RFFL: variants seen among roughly 807,000 people sequenced by gnomAD.
RFFL encodes the protein E3 ubiquitin-protein ligase rififylin.
RFFL carries 16 observed loss-of-function variants against 40.4 expected under a neutral mutation model. The ratio of observed to expected loss-of-function variants is 0.40; its 90% CI spans 0.27 to 0.60. RFFL has a LOEUF of 0.60. Among genes scored for constraint, RFFL ranks in the 20% least tolerant of loss-of-function variants. The probability of loss-of-function intolerance (pLI) is 0.47; values close to 1 mark genes in which losing one functional copy is unlikely to be tolerated. For synonymous variants in RFFL, 154 were observed against 167.9 expected (o/e 0.92, Z 0.64); for missense variants, 367 against 451.7 (o/e 0.81, Z 1.70).
At chr17:35,040,592 G>A (rs2091157463) in intron 1 of RFFL, among the ~76,000 whole-genome samples, 1 of 146,818 alleles carries the variant, frequency 6.8e-6, no homozygotes, top group African/African-American at 2.5e-5. Context: ...GACAGAGCGA[G>A]ACTCTCTCTC....
At chr17:35,044,397 T>C (rs1407520644) in intron 1 of RFFL, among the ~76,000 whole-genome samples, 1 of 152,160 alleles carries the variant, frequency 6.6e-6, no homozygotes, top group Admixed American at 6.5e-5. Flanking sequence ...TTAATAAGTG[T>C]TGTCAGCCAG....
chr17:35,031,447 G>A (rs1054288883), intron 1 of RFFL, among the ~76,000 whole-genome samples: 1 of 152,022 alleles, frequency 6.6e-6, no homozygotes, highest in African/African-American at 2.4e-5. Context: ...CATTCATGAT[G>A]CATGCAACTT....
intron 1 of RFFL, among the ~76,000 whole-genome samples, chr17:35,035,014 C>T (rs981329761): frequency 2.0e-5 from 3 of 152,196 alleles, no homozygotes; most frequent in Admixed American, 1.3e-4. Flanking sequence ...TCTTCCTCCA[C>T]ACTATTTTTA....
At chr17:35,013,998 C>T (rs577401967) in intron 6 of RFFL, among the ~76,000 whole-genome samples, 4 of 152,268 alleles carry the variant, frequency 2.6e-5, no homozygotes, top group Admixed American at 2.0e-4. Context: ...TTTGGGAAAT[C>T]TTCTGAAATA....
In RFFL at chr17:35,007,445, T is replaced by A. The variant is rs549698390; in HGVS notation, c.*4523A>T. The stretch of plus-strand genomic sequence containing the variant: ...TCCAGCAGAATGCTGGAGGCCTCCC[T>A]CTTCTGAACCTCTACATGCTGCTGG... On this transcript the variant is annotated 3_prime_UTR_variant, in exon 7 of 7. Coordinates refer to ENST00000394597, the MANE Select transcript of RFFL (RefSeq NM_001017368.2). 1.3e-5 allele frequency: 2 copies of A among 152,334 alleles called. No individual in the cohort carries two copies. The highest frequency in any genetic ancestry group is 4.1e-4 in the South Asian group (2 of 4,832). The allele number at this position is 152,334 out of a possible 1,614,324, so 9.4% of individuals were successfully genotyped here.
intron 1 of RFFL, among the ~76,000 whole-genome samples, chr17:35,073,172 T>C (rs528674709): frequency 1.4e-4 from 21 of 152,338 alleles, no homozygotes; most frequent in African/African-American, 5.1e-4. Context: ...GGAGAGATGA[T>C]TATTTAAGCA....
rs962887888 is a variant in RFFL, at chr17:35,036,032, A to G, written c.-8-9471T>C. On this transcript the variant is annotated intron_variant, in intron 1 of 6. Coordinates refer to ENST00000394597, the MANE Select transcript of RFFL (RefSeq NM_001017368.2). The stretch of plus-strand genomic sequence containing the variant: ...GACAGATATTTAAATACCAAAAAAG[A>G]AACATGTCCTAATGTGGTCAGTTAG... 1.2e-4 allele frequency among the ~76,000 whole-genome samples: 18 copies of G among 152,238 alleles called. No homozygotes were observed. In the South Asian group the frequency reaches 1.5e-3, roughly 12 times the overall value.
Position 35,007,886 on chromosome 17 carries a change from C to T in RFFL, c.*4082G>A, listed in dbSNP as rs955993347. On this transcript the variant is annotated 3_prime_UTR_variant, in exon 7 of 7. Transcript: ENST00000394597. ...GTGGCTAAGACTTAACAAACAGGCA[C>T]ACACCATCACTCGCAGCTAAGTTTT... is the stretch of plus-strand genomic sequence containing the variant. 2 of 152,172 alleles carry T rather than the reference C, an allele frequency of 1.3e-5. No homozygotes were observed. Among genetic ancestry groups the T allele is most frequent in the African/African-American group, 2.4e-5 (1 of 41,434 alleles). 9.4% of individuals were successfully genotyped at this position (152,172 alleles called of 1,614,324 possible). A position where few individuals can be genotyped will look rare whatever the true frequency, so the allele number is the denominator to read the frequency against.
chr17:35,076,325 G>A (rs1002137131), intron 1 of RFFL, among the ~76,000 whole-genome samples: 14 of 151,918 alleles, frequency 9.2e-5, no homozygotes, highest in Admixed American at 4.6e-4. Context: ...TTAAAGGTTG[G>A]CTACTGTGGG....
intron 1 of RFFL, among the ~76,000 whole-genome samples, chr17:35,030,398 A>G: frequency 6.6e-6 from 1 of 151,326 alleles, no homozygotes. Context: ...CTGGTGTGAG[A>G]TGGTATCTCA....
intron 1 of RFFL, chr17:35,074,306 G>A (rs763137032): frequency 3.3e-5 from 5 of 152,182 alleles, no homozygotes; most frequent in African/African-American, 7.2e-5. Context: ...TAAGAAGCCT[G>A]TCACATATCT....
intron 1 of RFFL, among the ~76,000 whole-genome samples, chr17:35,040,481 T>C (rs1485680965): frequency 2.0e-5 from 3 of 151,748 alleles, no homozygotes; most frequent in Admixed American, 6.6e-5. Flanking sequence ...CAGGCACCTA[T>C]AGTCCCAGCC....
At chr17:35,033,938 C>T (rs908845075) in intron 1 of RFFL, among the ~76,000 whole-genome samples, 1 of 151,690 alleles carries the variant, frequency 6.6e-6, no homozygotes, top group African/African-American at 2.4e-5. Flanking sequence ...GTCAGGAGAT[C>T]GAGACCATCC....
intron 2 of RFFL, 85 bp downstream of exon 2, chr17:35,026,289 G>A (rs893832913): frequency 1.7e-5 from 22 of 1,328,240 alleles, no homozygotes; most frequent in Non-Finnish European, 2.2e-5. Flanking sequence ...GAAAGGAAAG[G>A]TTGCAGGCAT....
In RFFL at chr17:35,011,792, G is replaced by A. The variant is rs975643326; in HGVS notation, c.*176C>T. 3.2e-6 allele frequency: 2 copies of A among 618,498 alleles called. No individual in the cohort carries two copies. Among genetic ancestry groups the A allele is most frequent in the African/African-American group, 3.7e-5 (2 of 54,158 alleles). 38.3% of individuals were successfully genotyped at this position (618,498 alleles called of 1,614,324 possible). ...ACTGGCCTTGGGCTTTGCCAGCCAA[G>A]AGGTACACCCCTGGGAAGACAGGCA... On this transcript the variant is annotated 3_prime_UTR_variant, in exon 7 of 7. Transcript: ENST00000394597.
intron 3 of RFFL, among the ~76,000 whole-genome samples, chr17:35,020,469 T>A (rs1352981176): frequency 6.7e-6 from 1 of 150,372 alleles, no homozygotes; most frequent in African/African-American, 2.5e-5. Context: ...CTTATGAAAA[T>A]CTAACTAATG....
intron 1 of RFFL, among the ~76,000 whole-genome samples, chr17:35,032,828 TG>T (rs1264873153): frequency 6.6e-6 from 1 of 152,054 alleles, no homozygotes; most frequent in African/African-American, 2.4e-5. Flanking sequence ...CAGGGGGAAC[TG>T]GAAGAGTGTT....
At chr17:35,086,877 C>T (rs1168690035) in intron 1 of RFFL, among the ~76,000 whole-genome samples, 1 of 152,218 alleles carries the variant, frequency 6.6e-6, no homozygotes, top group Non-Finnish European at 1.5e-5. Flanking sequence ...GTCCCCCTAA[C>T]AACTTCTTAG....
At chr17:35,021,908 C>G in intron 2 of RFFL, 127 bp from the exon 3 acceptor site, 3 of 903,076 alleles carry the variant, frequency 3.3e-6, no homozygotes, top group Non-Finnish European at 5.1e-6. Flanking sequence ...TTACTAAGCT[C>G]TCTCATATAT....
Sources: allele counts gnomAD v4.1 joint callset (sites outside exome capture counted in the v4.1 genomes callset), GRCh38; gene constraint gnomAD v4.1.1; transcripts MANE v1.5; gene names NCBI Gene and HGNC (gene_info 2026-07-23, HGNC 2026-07-21).